Variants in ITGAE observed in about 807,000 individuals in gnomAD.
ITGAE encodes the protein integrin alpha-E.
Under a neutral mutation model 136.5 loss-of-function variants are expected in ITGAE, and 99 were observed. The observed-to-expected ratio is 0.73, with a 90% CI of 0.62 to 0.86. The LOEUF (loss-of-function observed/expected upper bound fraction) is 0.86, where lower values mean the gene tolerates loss of function less well. Ranked by LOEUF, ITGAE falls within the 40% of genes least tolerant of loss-of-function variation. The pLI is 0.00. For missense variants in ITGAE, 1,447 were observed against 1,515.3 expected, an observed-to-expected ratio of 0.95 and a Z score of 0.75; for synonymous variants, 613 against 591.8, an observed-to-expected ratio of 1.04 and a Z score of -0.52.
intron 26 of ITGAE, chr17:3,724,052 C>G (rs770278574): frequency 5.6e-6 from 9 of 1,597,216 alleles, no homozygotes; most frequent in Non-Finnish European, 7.6e-6. Flanking sequence ...CGCCGCAGGA[C>G]CGGAGGCGTT....
At chr17:3,744,756 A>C (rs2051673374) in intron 18 of ITGAE, among the ~76,000 whole-genome samples, 1 of 152,102 alleles carries the variant, frequency 6.6e-6, no homozygotes. Flanking sequence ...ACCAACCAAG[A>C]TCTTTCTCAA....
At chr17:3,762,065 C>T (rs1198241180) in intron 3 of ITGAE, 83 bp from the exon 4 acceptor site, 2 of 1,166,500 alleles carry the variant, frequency 1.7e-6, no homozygotes, top group African/African-American at 1.5e-5. Flanking sequence ...GGCACAGAGC[C>T]ACCTTGGTCA....
At chr17:3,773,528 T>G (rs907434614) in intron 2 of ITGAE, among the ~76,000 whole-genome samples, 1 of 136,760 alleles carries the variant, frequency 7.3e-6, no homozygotes. Flanking sequence ...GATGAGGAGA[T>G]GCATAAGGCA....
chr17:3,725,503 G>C (rs778121030), intron 26 of ITGAE: 1 of 1,614,154 alleles, frequency 6.2e-7, no homozygotes, highest in South Asian at 1.1e-5. Context: ...TTAGTCAATG[G>C]ATCCCATCAG....
At chr17:3,725,185 T>C in intron 26 of ITGAE, 1 of 1,614,226 alleles carries the variant, frequency 6.2e-7, no homozygotes, top group Non-Finnish European at 8.5e-7. Flanking sequence ...GGATCCCTCC[T>C]ATCAGAATGT....
chr17:3,778,248 G>A (rs2052589023), intron 1 of ITGAE, among the ~76,000 whole-genome samples: 2 of 152,242 alleles, frequency 1.3e-5, no homozygotes, highest in African/African-American at 4.8e-5. Flanking sequence ...AACAGATACA[G>A]CAGCGTGATG....
intron 16 of ITGAE, 146 bp from the exon 17 acceptor site, chr17:3,748,198 G>A (rs1038212343): frequency 9.4e-6 from 7 of 746,576 alleles, no homozygotes; most frequent in Non-Finnish European, 1.4e-5. Context: ...AGTGGGGAAA[G>A]AGACAAGTTT....
intron 1 of ITGAE, among the ~76,000 whole-genome samples, chr17:3,797,311 A>G (rs9901841): frequency 0.01 from 1,478 of 146,680 alleles, 20 homozygotes; most frequent in African/African-American, 0.031. Flanking sequence ...GACTACAGGC[A>G]CCCGCCACCA....
intron 2 of ITGAE, among the ~76,000 whole-genome samples, chr17:3,776,368 T>C (rs1443986288): frequency 1.3e-5 from 2 of 152,122 alleles, no homozygotes; most frequent in African/African-American, 4.8e-5. Context: ...GAACCTGTGC[T>C]AAGCCCTTTA....
rs370159681 is a variant in ITGAE at position 3,801,095 on chromosome 17, G to A, written c.34+16C>T. 59 of 1,612,820 alleles carry A rather than the reference G, an allele frequency of 3.7e-5. No homozygotes were observed. The highest frequency in any genetic ancestry group is 2.6e-4 in the South Asian group (24 of 91,082). On this transcript the variant is annotated intron_variant, in intron 1 of 30. Coordinates refer to ENST00000263087, the MANE Select transcript of ITGAE (RefSeq NM_002208.5). ...GGGCACAGCAGCCCCTCGAAGCAGCGGGTGAGAGGACTTACTGGCTATGCA... is the reference window on the plus strand; with the variant it reads ...GGGCACAGCAGCCCCTCGAAGCAGCAGGTGAGAGGACTTACTGGCTATGCA...
chr17:3,778,768 G>A (rs1368837107), intron 1 of ITGAE, among the ~76,000 whole-genome samples: 1 of 152,070 alleles, frequency 6.6e-6, no homozygotes, highest in African/African-American at 2.4e-5. Context: ...ATTGGTACTG[G>A]ACTAATTCTT....
intron 3 of ITGAE, 42 bp from the exon 4 acceptor site, chr17:3,762,024 G>A: frequency 1.3e-6 from 2 of 1,567,024 alleles, no homozygotes; most frequent in Non-Finnish European, 1.8e-6. Flanking sequence ...AGGGGACTCT[G>A]GGAGGCAGAG....
chr17:3,750,305 T>C lies in ITGAE; in HGVS notation c.2024+47A>G, dbSNP rs572069853. 50 of 1,607,892 alleles carry C rather than the reference T, an allele frequency of 3.1e-5. 1 individual carries two copies. In the South Asian group the frequency reaches 5.2e-4, roughly 17 times the overall value. On this transcript the variant is annotated intron_variant, in intron 16 of 30. Coordinates refer to ENST00000263087, the MANE Select transcript of ITGAE (RefSeq NM_002208.5). ...ATGGAGCTATTTAGAGCAGGGCAAA[T>C]GGGTGAGGCTGGGCCTGGGACCCCA...
Position 3,761,078 on chromosome 17 carries a change from C to G in ITGAE, c.533G>C (p.Arg178Pro), listed in dbSNP as rs781162473. The change falls in exon 6 of 31, where the codon CGG (arginine) becomes CCG (proline). Residue 178 changes from arginine to proline, a missense_variant. Coordinates refer to ENST00000263087, the MANE Select transcript of ITGAE (RefSeq NM_002208.5). The part of the protein sequence containing the change: ...EDDVNTARQR[R>P]ALEKEEEEDK... ...TTCCTCCTCCTCCTTCTCCAGAGCC[C>G]GGCGCTGCCTGGCTGTGTTCACATC... 14 of 1,611,118 alleles carry G rather than the reference C, an allele frequency of 8.7e-6. No homozygotes were observed. The South Asian group carries it at 1.5e-4, about 18-fold the overall frequency.
chr17:3,755,051 C>CAT (rs2051976696), intron 12 of ITGAE, 66 bp downstream of exon 12: 29 of 1,500,620 alleles, frequency 1.9e-5, no homozygotes, highest in South Asian at 9.8e-5. Flanking sequence ...CCACCCTCGC[C>CAT]CAGGGAGCCT....
At chr17:3,761,298 T>C (rs539543497) in intron 5 of ITGAE, 105 bp downstream of exon 5, 4 of 1,546,740 alleles carry the variant, frequency 2.6e-6, no homozygotes, top group Admixed American at 1.9e-5. Flanking sequence ...CTTGCTCCAC[T>C]GTGGGCCTGC....
rs768220127 is a variant in ITGAE at position 3,798,166 on chromosome 17, G to A, written c.34+2945C>T. 4.6e-5 allele frequency among the ~76,000 whole-genome samples: 7 copies of A among 152,302 alleles called. No homozygotes were observed. The highest frequency in any genetic ancestry group is 1.0e-4 in the Non-Finnish European group (7 of 68,014). ...CTCTCCCCCACACACTGCATTCCGG[G>A]GGCATTTCACCTTTGCTTGGGCTGC... On this transcript the variant is annotated intron_variant, in intron 1 of 30. Coordinates refer to ENST00000263087, the MANE Select transcript of ITGAE (RefSeq NM_002208.5). This position sits in a 1 kb window ranked among gnomAD's most constrained non-coding sequence, Gnocchi z 4.3.
chr17:3,757,140 C>T lies in ITGAE; in HGVS notation c.1021-6G>A, dbSNP rs1334645586. 6.2e-7 allele frequency: 1 copy of T among 1,613,432 alleles called. No individual in the cohort carries two copies. Among genetic ancestry groups the T allele is most frequent in the Non-Finnish European group, 8.5e-7 (1 of 1,179,654 alleles). The stretch of plus-strand genomic sequence containing the variant: ...CTCTTAAATTCTTCTCCCACCTGCA[C>T]AGACAGCCTGGGTCAGCGAGTCAGC... On this transcript the variant is annotated splice_polypyrimidine_tract_variant and splice_region_variant and intron_variant, in intron 9 of 30. Coordinates refer to ENST00000263087, the MANE Select transcript of ITGAE (RefSeq NM_002208.5).
intron 9 of ITGAE, 111 bp downstream of exon 9, chr17:3,757,595 G>C: frequency 8.6e-7 from 1 of 1,168,798 alleles, no homozygotes; most frequent in Non-Finnish European, 1.2e-6. Flanking sequence ...TTTGCAAATA[G>C]AACAGGGTCT....
Sources: gnomAD v4.1 joint callset for allele counts (sites outside exome capture counted in the v4.1 genomes callset) on GRCh38, gnomAD v4.1.1 for gene constraint, Gnocchi (gnomAD v3.1) non-coding constraint, MANE v1.5 for transcripts, NCBI Gene and HGNC (gene_info 2026-07-23, HGNC 2026-07-21) for gene names.